The following PPFIA2 variants were observed in gnomAD, a reference collection of about 807,000 sequenced individuals.
The protein encoded by PPFIA2 is PPFI scaffold protein A2.
A neutral mutation model predicts 175.5 loss-of-function variants in PPFIA2; 46 were observed. The ratio of observed to expected loss-of-function variants is 0.26; its 90% CI spans 0.21 to 0.34. PPFIA2 has a LOEUF of 0.34. PPFIA2 is among the 10% of genes least tolerant of loss of function. PPFIA2 has a pLI of 1.00. For synonymous variants in PPFIA2, 568 were observed against 511.4 expected (o/e 1.11, Z -1.49); for missense variants, 1,179 against 1,506.1 (o/e 0.78, Z 3.60).
intron 24 of PPFIA2, among the ~76,000 whole-genome samples, chr12:81,284,870 G>T (rs1413952780): frequency 1.3e-5 from 2 of 152,106 alleles, no homozygotes; most frequent in African/African-American, 2.4e-5. Flanking sequence ...GTGTGATTCA[G>T]TAAATAGTAA....
At chr12:81,508,521 C>CAAAAAA (rs544893385) in intron 4 of PPFIA2, among the ~76,000 whole-genome samples, 9 of 44,800 alleles carry the variant, frequency 2.0e-4, no homozygotes, top group South Asian at 1.2e-3. Flanking sequence ...AATTCCACCT[C>CAAAAAA]AAAAAAAAAA....
chr12:81,344,295 A>G (rs2058665954), intron 19 of PPFIA2, among the ~76,000 whole-genome samples: 1 of 151,384 alleles, frequency 6.6e-6, no homozygotes. Context: ...CAAAATAATA[A>G]TAATAAAATA....
At chr12:81,266,125 G>A (rs1313489669) in intron 30 of PPFIA2, among the ~76,000 whole-genome samples, 1 of 152,112 alleles carries the variant, frequency 6.6e-6, no homozygotes, top group African/African-American at 2.4e-5. Flanking sequence ...AGAATGATTG[G>A]TCCATATTTG....
At chr12:81,265,243 A>C (rs1438231934) in intron 30 of PPFIA2, among the ~76,000 whole-genome samples, 1 of 143,852 alleles carries the variant, frequency 7.0e-6, no homozygotes, top group Non-Finnish European at 1.5e-5. Flanking sequence ...TGGTGAGCCG[A>C]GATCACACCA....
At position 81,347,720 on chromosome 12, in the gene PPFIA2, T is replaced by C; in HGVS notation, c.2045A>G (p.Glu682Gly). 1 of 1,613,890 alleles carries C rather than the reference T, an allele frequency of 6.2e-7. No homozygotes were observed. The highest frequency in any genetic ancestry group is 8.5e-7 in the Non-Finnish European group (1 of 1,179,814). ...ESTELRAEEI[E>G]NRVASVSLEG... ...GAGGCTCACACTAGCCACTCTATTT[T>C]CAATTTCTTCAGCACGCAACTCTGT... is the stretch of plus-strand genomic sequence containing the variant. Residue 682 changes from glutamate to glycine, a missense_variant, in exon 18 of 33, where the codon GAA (glutamate) becomes GGA (glycine). Physicochemically the swap from Glu to Gly is moderately conservative, Grantham distance 98 (BLOSUM62 -2). Around this residue, in one of 10 missense-constraint regions of PPFIA2, gnomAD observed 223 missense variants for 241.6 expected, o/e 0.92. Coordinates refer to ENST00000549396, the MANE Select transcript of PPFIA2 (RefSeq NM_003625.5).
intron 4 of PPFIA2, among the ~76,000 whole-genome samples, chr12:81,523,146 A>T (rs1371038804): frequency 6.6e-6 from 1 of 152,198 alleles, no homozygotes; most frequent in African/African-American, 2.4e-5. Flanking sequence ...GAAAGGGAGG[A>T]TGGGATATAC....
chr12:81,358,950 T>C (rs1484073391), intron 15 of PPFIA2, among the ~76,000 whole-genome samples: 4 of 152,082 alleles, frequency 2.6e-5, no homozygotes, highest in African/African-American at 4.8e-5. Context: ...AAAGTATCAT[T>C]ACACTAGTTT....
At chr12:81,475,142 A>C (rs1174593560) in intron 4 of PPFIA2, among the ~76,000 whole-genome samples, 1 of 152,172 alleles carries the variant, frequency 6.6e-6, no homozygotes, top group Non-Finnish European at 1.5e-5. Context: ...CTGTCATACA[A>C]ACCTCTGTAT....
rs200166233 is a variant in PPFIA2, at chr12:81,589,859, A to G, written c.303+86932T>C. Among the ~76,000 whole-genome samples the G allele has an allele frequency of 2.6e-5, 4 of 152,064 alleles. No individual in the cohort carries two copies. In the East Asian group the frequency reaches 7.7e-4, roughly 29 times the overall value. ...TTCCCTCTGTTCTCGTCCAAATCCCAACCAAGGAAATATCCAGTATTCTAA... is the reference window on the plus strand; with the variant it reads ...TTCCCTCTGTTCTCGTCCAAATCCCGACCAAGGAAATATCCAGTATTCTAA... On this transcript the variant is annotated intron_variant, in intron 4 of 32. Transcript: ENST00000549396.
In PPFIA2 at chr12:81,405,831, C is replaced by T. The variant is rs1337670228; in HGVS notation, c.718G>A (p.Glu240Lys). ...MASSEGSTESEHLEGMEPGQK... is the reference protein window; with the variant it reads ...MASSEGSTESKHLEGMEPGQK... ...CCAGGTTCCATCCCTTCAAGATGTT[C>T]TGACTCTGTGGATCCCTCGCTTGAT... Residue 240 changes from glutamate to lysine, a missense_variant, in exon 8 of 33, where the codon GAA becomes AAA. Physicochemically the swap from Glu to Lys is moderately conservative, Grantham distance 56 (BLOSUM62 1). Transcript: ENST00000549396. The T allele has an allele frequency of 6.3e-7, 1 of 1,582,486 alleles. No individual in the cohort carries two copies. Among genetic ancestry groups the T allele is most frequent in the Non-Finnish European group, 8.6e-7 (1 of 1,162,378 alleles).
intron 20 of PPFIA2, among the ~76,000 whole-genome samples, chr12:81,340,040 A>G (rs1211071714): frequency 6.6e-6 from 1 of 152,100 alleles, no homozygotes; most frequent in Non-Finnish European, 1.5e-5. Flanking sequence ...CATTGTTATT[A>G]GTTTCTATAG....
intron 21 of PPFIA2, among the ~76,000 whole-genome samples, chr12:81,338,462 G>A (rs1394697449): frequency 6.6e-6 from 1 of 151,934 alleles, no homozygotes; most frequent in Non-Finnish European, 1.5e-5. Flanking sequence ...CATTTCAAAT[G>A]TACTGATCTA....
Position 81,259,520 on chromosome 12 carries a change from C to T in PPFIA2, c.*174G>A, listed in dbSNP as rs2034650192. ...AACTAATCAAATGTAATATCTGACT[C>T]CCCCCAAAAATCACATTTTTCAGCT... On this transcript the variant is annotated 3_prime_UTR_variant, in exon 33 of 33. Coordinates refer to ENST00000549396, the MANE Select transcript of PPFIA2 (RefSeq NM_003625.5). 2.1e-6 allele frequency: 2 copies of T among 949,606 alleles called. No individual in the cohort carries two copies. The highest frequency in any genetic ancestry group is 3.2e-6 in the Non-Finnish European group (2 of 628,082). 58.8% of individuals were successfully genotyped at this position (949,606 alleles called of 1,614,324 possible).
intron 4 of PPFIA2, among the ~76,000 whole-genome samples, chr12:81,647,329 CAGT>C (rs1376380280): frequency 1.6e-4 from 24 of 152,004 alleles, no homozygotes; most frequent in African/African-American, 5.5e-4. Flanking sequence ...AGCTGTAAGA[CAGT>C]ATCAAATGGT....
chr12:81,610,675 T>C (rs2060805236), intron 4 of PPFIA2, among the ~76,000 whole-genome samples: 1 of 152,222 alleles, frequency 6.6e-6, no homozygotes, highest in Non-Finnish European at 1.5e-5. Flanking sequence ...TACTTTATCC[T>C]GAATCTTGAT....
At chr12:81,753,537 AAAC>A (rs2084180799) in intron 3 of PPFIA2, among the ~76,000 whole-genome samples, 1 of 152,094 alleles carries the variant, frequency 6.6e-6, no homozygotes, top group South Asian at 2.1e-4. Context: ...AAAAAAAAAA[AAAC>A]AATAGTTGGA....
intron 4 of PPFIA2, among the ~76,000 whole-genome samples, chr12:81,657,420 T>C (rs1458868516): frequency 6.6e-6 from 1 of 152,174 alleles, no homozygotes; most frequent in Non-Finnish European, 1.5e-5. Context: ...ACCTTGGACC[T>C]GTACACGTCC....
At chr12:81,307,047 CT>C (rs1210807947) in intron 22 of PPFIA2, among the ~76,000 whole-genome samples, 1 of 152,198 alleles carries the variant, frequency 6.6e-6, no homozygotes, top group East Asian at 1.9e-4. Context: ...GCAAATACCA[CT>C]TCCCAGAGCT....
chr12:81,343,193 C>T (rs1021682568), intron 19 of PPFIA2, among the ~76,000 whole-genome samples: 3 of 151,938 alleles, frequency 2.0e-5, no homozygotes, highest in African/African-American at 4.8e-5. Flanking sequence ...ACTCGTTCCC[C>T]GATACACAAG....
Sources: allele counts gnomAD v4.1 joint callset (sites outside exome capture counted in the v4.1 genomes callset), GRCh38; gene constraint gnomAD v4.1.1; regional missense constraint gnomAD v4.1.1; transcripts MANE v1.5; gene names NCBI Gene and HGNC (gene_info 2026-07-23, HGNC 2026-07-21).